The following OTX2 variants were observed in gnomAD, a reference collection of about 807,000 sequenced individuals.
The protein encoded by OTX2 is homeobox protein OTX2.
In OTX2, 4 loss-of-function variants were observed where a neutral mutation model predicts 29.0. The observed-to-expected ratio is 0.14, with a 90% CI of 0.07 to 0.32. The LOEUF is 0.32. Among genes scored for constraint, OTX2 ranks in the 10% least tolerant of loss-of-function variants. OTX2 has a pLI of 1.00. For synonymous variants in OTX2, 134 were observed against 141.0 expected (o/e 0.95, Z 0.35); for missense variants, 298 against 365.9 (o/e 0.81, Z 1.51).
chr14:56,801,919 C>G lies in OTX2; in HGVS notation c.710G>C (p.Ser237Thr). 1.2e-6 allele frequency: 2 copies of G among 1,614,192 alleles called. No individual in the cohort carries two copies. Among genetic ancestry groups the G allele is most frequent in the Non-Finnish European group, 1.7e-6 (2 of 1,180,040 alleles). The change falls in exon 5 of 5, where the codon AGC becomes ACC. Residue 237 changes from serine (S) to threonine (T), a missense_variant. This residue lies in a region of OTX2 where 219 missense variants were observed against 223.5 expected (regional missense o/e 0.98). Transcript: ENST00000672264. This position sits in a 1 kb window ranked among gnomAD's most constrained non-coding sequence, Gnocchi z 4.2. ...LSPMGTNAVT[S>T]HLNQSPASLS... ...AGAAGCTGGGGACTGATTGAGATGG[C>G]TGGTGACTGCATTGGTACCCATGGG... is the stretch of plus-strand genomic sequence containing the variant.
chr14:56,807,553 G>A (rs1438906719), intron 2 of OTX2, among the ~76,000 whole-genome samples: 1 of 152,118 alleles, frequency 6.6e-6, no homozygotes, highest in Admixed American at 6.5e-5. Context: ...GTAACACACA[G>A]AAAGCACCAG....
rs779696471 is a variant in OTX2, at chr14:56,802,279, C to G, written c.350G>C (p.Arg117Thr). 1 of 1,614,160 alleles carries G rather than the reference C, an allele frequency of 6.2e-7. No individual in the cohort carries two copies. The highest frequency in any genetic ancestry group is 8.5e-7 in the Non-Finnish European group (1 of 1,180,048). ...QQQNGGQNKVRPAKKKTSPAR... is the reference protein window; with the variant it reads ...QQQNGGQNKVTPAKKKTSPAR... Reference sequence around the variant, plus strand: ...TGGAGATGTCTTCTTTTTGGCAGGTCTCACTTTGTTTTGACCTCCATTCTG... The same window carrying G: ...TGGAGATGTCTTCTTTTTGGCAGGTGTCACTTTGTTTTGACCTCCATTCTG... Residue 117 changes from arginine (R) to threonine (T), a missense_variant, in exon 5 of 5, where the codon AGA (arginine) becomes ACA (threonine). Transcript: ENST00000672264. The surrounding 1 kb of genome is among the most constrained non-coding windows in gnomAD (Gnocchi z 4.4).
At position 56,804,606 on chromosome 14, in the gene OTX2, T is replaced by C. The variant is rs980540836; in HGVS notation, c.98-243A>G. On this transcript the variant is annotated intron_variant, in intron 3 of 4. Transcript: ENST00000672264. This position sits in a 1 kb window ranked among gnomAD's most constrained non-coding sequence, Gnocchi z 4.1. ...GAGCATCACTTGGAAAGTTAACAAA[T>C]GAAACATTTTTTAAAAGACACACAA... 3.9e-5 allele frequency among the ~76,000 whole-genome samples: 6 copies of C among 152,082 alleles called. No homozygotes were observed. Among genetic ancestry groups the C allele is most frequent in the South Asian group, 2.1e-4 (1 of 4,818 alleles).
intron 2 of OTX2, 99 bp downstream of exon 2, chr14:56,810,060 C>T (rs1892223145): frequency 6.6e-6 from 1 of 152,226 alleles, no homozygotes. Context: ...TCCACGTTCG[C>T]AGAGGGGCAT....
chr14:56,807,420 G>A (rs539808841), intron 2 of OTX2, among the ~76,000 whole-genome samples: 1 of 152,146 alleles, frequency 6.6e-6, no homozygotes, highest in Non-Finnish European at 1.5e-5. Flanking sequence ...ATAGAGAATC[G>A]TAAAATCATA....
In OTX2 at chr14:56,801,347, A is replaced by G. The variant is rs1013593016; in HGVS notation, c.*388T>C. The G allele has an allele frequency of 6.7e-6, 2 of 296,710 alleles. No homozygotes were observed. The highest frequency in any genetic ancestry group is 1.3e-5 in the Non-Finnish European group (2 of 154,436). The allele number at this position is 296,710 out of a possible 1,614,324, so 18.4% of individuals were successfully genotyped here. ...AGACACTGTTCATTCCTAAGATTCA[A>G]CCAAGGATTGGCTAAAACAATGGAA... On this transcript the variant is annotated 3_prime_UTR_variant, in exon 5 of 5. Transcript: ENST00000672264. This position sits in a 1 kb window ranked among gnomAD's most constrained non-coding sequence, Gnocchi z 4.2.
chr14:56,808,893 T>C (rs1203849960), intron 2 of OTX2, among the ~76,000 whole-genome samples: 2 of 152,206 alleles, frequency 1.3e-5, no homozygotes, highest in African/African-American at 4.8e-5. Context: ...AAATCGGGCA[T>C]CGATTTCAAG....
intron 2 of OTX2, chr14:56,805,812 T>TAA (rs397957887): frequency 1.3e-3 from 143 of 112,130 alleles, no homozygotes; most frequent in East Asian, 5.6e-3. Flanking sequence ...ACCCTAAACT[T>TAA]AAAAAAAAAA....
chr14:56,802,482 A>G lies in OTX2; in HGVS notation c.274-127T>C. ...AACACACAATTTCCCCTGCCACTGA[A>G]GACCTATTATGTGGTACTCTCATAT... On this transcript the variant is annotated intron_variant, in intron 4 of 4. Coordinates refer to ENST00000672264, the MANE Select transcript of OTX2 (RefSeq NM_021728.4). The surrounding 1 kb of genome is among the most constrained non-coding windows in gnomAD (Gnocchi z 4.4). 3.7e-6 allele frequency: 4 copies of G among 1,078,050 alleles called. No individual in the cohort carries two copies. The highest frequency in any genetic ancestry group is 5.7e-6 in the Non-Finnish European group (4 of 705,588). The allele number at this position is 1,078,050 out of a possible 1,614,324, so 66.8% of individuals were successfully genotyped here.
In OTX2 at chr14:56,801,539, T is replaced by C; in HGVS notation, c.*196A>G. On this transcript the variant is annotated 3_prime_UTR_variant, in exon 5 of 5. Transcript: ENST00000672264. This position sits in a 1 kb window ranked among gnomAD's most constrained non-coding sequence, Gnocchi z 4.2. ...AACTATGACAGGATCTTAAGCAGAT[T>C]GGTTTGTCCATTTCATGTTGCTGGT... 1.6e-6 allele frequency: 1 copy of C among 618,956 alleles called. No homozygotes were observed. The highest frequency in any genetic ancestry group is 2.9e-5 in the Admixed American group (1 of 35,008). The allele number at this position is 618,956 out of a possible 1,614,324, so 38.3% of individuals were successfully genotyped here.
rs1892057765 is a variant in OTX2 at position 56,805,528 on chromosome 14, G to A, written c.-72C>T. 1.1e-6 allele frequency: 1 copy of A among 928,952 alleles called. No homozygotes were observed. The highest frequency in any genetic ancestry group is 1.9e-5 in the Admixed American group (1 of 53,072). 57.5% of individuals were successfully genotyped at this position (928,952 alleles called of 1,614,324 possible). On this transcript the variant is annotated 5_prime_UTR_variant, in exon 3 of 5. Transcript: ENST00000672264. The stretch of plus-strand genomic sequence containing the variant: ...CAGCTGGAAGATCTTGATGCGCCCG[G>A]GGTGGACAGGTTCAGAGTCCTTGGT...
rs553884027 is a variant in OTX2, at chr14:56,802,203, G to T, written c.426C>A (p.Pro142=). ...ESGTSGQFTP[P]SSTSVPTIAS... ...CAATGGTCGGGACTGAGGTGCTAGA[G>T]GGGGGAGTGAATTGGCCACTTGTTC... Residue 142 remains proline, a synonymous_variant, in exon 5 of 5, where the codon CCC becomes CCA. Coordinates refer to ENST00000672264, the MANE Select transcript of OTX2 (RefSeq NM_021728.4). The surrounding 1 kb of genome is among the most constrained non-coding windows in gnomAD (Gnocchi z 4.4). 7 of 1,614,008 alleles carry T rather than the reference G, an allele frequency of 4.3e-6. No homozygotes were observed. The highest frequency in any genetic ancestry group is 2.2e-5 in the East Asian group (1 of 44,890).
In OTX2 at chr14:56,804,362, C is replaced by A. The variant is rs1248637885; in HGVS notation, c.99G>T (p.Gly33=). ...TGGCTGCGGGACAAGAAGCCCAGGGCCCTTTAGGGTGGGGGAGCAGTTTCT... is the reference window on the plus strand; with the variant it reads ...TGGCTGCGGGACAAGAAGCCCAGGGACCTTTAGGGTGGGGGAGCAGTTTCT... ...DLLHPSVGYP[G]PWASCPAATP... is the part of the protein sequence containing the mutation. Residue 33 remains glycine (G), a splice_region_variant and synonymous_variant, in exon 4 of 5, where the codon GGG becomes GGT. Transcript: ENST00000672264. The surrounding 1 kb of genome is among the most constrained non-coding windows in gnomAD (Gnocchi z 4.1). The A allele has an allele frequency of 2.5e-6, 4 of 1,612,804 alleles. No homozygotes were observed. The highest frequency in any genetic ancestry group is 2.5e-6 in the Non-Finnish European group (3 of 1,179,496).
Position 56,802,937 on chromosome 14 carries a change from T to A in OTX2, c.274-582A>T, listed in dbSNP as rs536817074. ...CATGATCTTGTTGAAGAAAGAGGTC[T>A]GAAAGCCACTATTTGCTAAAAGCTT... On this transcript the variant is annotated intron_variant, in intron 4 of 4. Transcript: ENST00000672264. This position sits in a 1 kb window ranked among gnomAD's most constrained non-coding sequence, Gnocchi z 4.4. 2.5e-3 allele frequency among the ~76,000 whole-genome samples: 380 copies of A among 152,332 alleles called. 1 individual carries two copies. The highest frequency in any genetic ancestry group is 8.7e-3 in the African/African-American group (361 of 41,574).
At position 56,801,942 on chromosome 14, in the gene OTX2, G is replaced by A; in HGVS notation, c.687C>T (p.Pro229=). 6.2e-7 allele frequency: 1 copy of A among 1,614,190 alleles called. No homozygotes were observed. The highest frequency in any genetic ancestry group is 8.5e-7 in the Non-Finnish European group (1 of 1,180,022). The change falls in exon 5 of 5, where the codon CCC becomes CCT. Residue 229 remains proline, a synonymous_variant. Transcript: ENST00000672264. This position sits in a 1 kb window ranked among gnomAD's most constrained non-coding sequence, Gnocchi z 4.2. The part of the protein sequence containing the change: ...QLPGPGATLS[P]MGTNAVTSHL... ...GGCTGGTGACTGCATTGGTACCCAT[G>A]GGACTGAGTGTGGCCCCTGGTCCGG... is the stretch of plus-strand genomic sequence containing the variant.
intron 2 of OTX2, among the ~76,000 whole-genome samples, chr14:56,807,318 C>T (rs768113878): frequency 6.6e-6 from 1 of 152,058 alleles, no homozygotes; most frequent in Non-Finnish European, 1.5e-5. Context: ...CTTTAAAATA[C>T]AGTTGTATAT....
chr14:56,809,278 G>C (rs369652539), intron 2 of OTX2, among the ~76,000 whole-genome samples: 1 of 152,194 alleles, frequency 6.6e-6, no homozygotes. Flanking sequence ...GGCGGGCCGC[G>C]ACCCGGCAAA....
chr14:56,808,117 G>GT (rs113714814), intron 2 of OTX2, among the ~76,000 whole-genome samples: 16 of 150,132 alleles, frequency 1.1e-4, no homozygotes, highest in East Asian at 3.9e-4. Flanking sequence ...CCCACGCCTT[G>GT]TTTTTTTTTT....
rs1216054355 is a variant in OTX2 at position 56,800,673 on chromosome 14, T to A, written c.*1062A>T. ...AGGCTGAATGTAGGCTTCTTATTCA[T>A]AAATAGCGGTGTAAAATTAAACTGG... On this transcript the variant is annotated 3_prime_UTR_variant, in exon 5 of 5. Coordinates refer to ENST00000672264, the MANE Select transcript of OTX2 (RefSeq NM_021728.4). 6.5e-6 allele frequency: 1 copy of A among 152,684 alleles called. No homozygotes were observed. The highest frequency in any genetic ancestry group is 1.9e-4 in the East Asian group (1 of 5,186). The allele number at this position is 152,684 out of a possible 1,614,324, so 9.5% of individuals were successfully genotyped here.
Sources: gnomAD v4.1 joint callset for allele counts (sites outside exome capture counted in the v4.1 genomes callset) on GRCh38, gnomAD v4.1.1 for gene constraint, gnomAD v4.1.1 regional missense constraint, Gnocchi (gnomAD v3.1) non-coding constraint, MANE v1.5 for transcripts, NCBI Gene and HGNC (gene_info 2026-07-23, HGNC 2026-07-21) for gene names.